The following CHRNG variants were observed in gnomAD, a reference collection of about 807,000 sequenced individuals.
The protein encoded by CHRNG is acetylcholine receptor subunit gamma.
A neutral mutation model predicts 65.2 loss-of-function variants in CHRNG; 72 were observed. That is an observed-to-expected ratio of 1.10 (90% CI 0.91 to 1.34). CHRNG has a LOEUF of 1.34. CHRNG is among the 40% of genes most tolerant of loss of function. The probability of loss-of-function intolerance (pLI) is 0.00; values close to 1 mark genes in which losing one functional copy is unlikely to be tolerated. For synonymous variants in CHRNG, 284 were observed against 290.2 expected, an observed-to-expected ratio of 0.98 and a Z score of 0.22; for missense variants, 637 against 680.1, an observed-to-expected ratio of 0.94 and a Z score of 0.70.
At position 232,540,070 on chromosome 2, in the gene CHRNG, AACGAG is replaced by A. The variant is rs1485492241; in HGVS notation, c.137_141del (p.Arg46LeufsTer88). The A allele has an allele frequency of 3.1e-6, 5 of 1,614,086 alleles. No homozygotes were observed. The highest frequency in any genetic ancestry group is 4.2e-6 in the Non-Finnish European group (5 of 1,180,022). On this transcript the variant is annotated frameshift_variant, in exon 2 of 12. Transcript: ENST00000651502. LOFTEE classifies it high-confidence loss of function. The surrounding 1 kb of genome is among the most constrained non-coding windows in gnomAD (Gnocchi z 4.2). ...TACGACCCCAACCTGCGGCCCGCGG[AACGAG>A]ACTCGGATGTGGTCAATGTCAGCCT... is the stretch of plus-strand genomic sequence containing the variant.
chr2:232,546,442 G>A lies in CHRNG; in HGVS notation c.*726G>A, dbSNP rs1406169070. 1 of 152,920 alleles carries A rather than the reference G, an allele frequency of 6.5e-6. No individual in the cohort carries two copies. Among genetic ancestry groups the A allele is most frequent in the Non-Finnish European group, 1.5e-5 (1 of 68,894 alleles). The allele number at this position is 152,920 out of a possible 1,614,324, so 9.5% of individuals were successfully genotyped here. On this transcript the variant is annotated 3_prime_UTR_variant, in exon 12 of 12. Transcript: ENST00000651502. ...GGCTCACTGCAGCCTCAACCTCCAG[G>A]GCTCAAGCAATGCTCCTGCCTCAGC... is the stretch of plus-strand genomic sequence containing the variant.
chr2:232,542,534 A>G lies in CHRNG; in HGVS notation c.604+14A>G, dbSNP rs774901684. 1.9e-6 allele frequency: 3 copies of G among 1,585,028 alleles called. No homozygotes were observed. The Admixed American group carries it at 5.0e-5, about 26-fold the overall frequency. ...AGGCCTTCACAGGTAACCCCCACCCAAGGGCTCCCCAGGCAGCCTCATCCA... is the reference window on the plus strand; with the variant it reads ...AGGCCTTCACAGGTAACCCCCACCCGAGGGCTCCCCAGGCAGCCTCATCCA... On this transcript the variant is annotated intron_variant, in intron 6 of 11. Transcript: ENST00000651502.
chr2:232,545,616 T>C lies in CHRNG; in HGVS notation c.1454T>C (p.Ile485Thr), dbSNP rs1322572649. Residue 485 changes from isoleucine to threonine, a missense_variant, in exon 12 of 12, where the codon ATC (isoleucine) becomes ACC (threonine). Ile to Thr is a moderately conservative substitution (Grantham distance 89). Transcript: ENST00000651502. ...TTCCTGGCCATGCTCTCGCTCTTCA[T>C]CTGTGGCACAGCTGGCATCTTCCTC... ...VCFLAMLSLF[I>T]CGTAGIFLMA... 1.9e-6 allele frequency: 3 copies of C among 1,613,960 alleles called. No homozygotes were observed. The Admixed American group carries it at 5.0e-5, about 27-fold the overall frequency.
chr2:232,543,746 T>G, intron 9 of CHRNG, 47 bp downstream of exon 9: 1 of 1,148,678 alleles, frequency 8.7e-7, no homozygotes, highest in Non-Finnish European at 1.3e-6. Context: ...CCCACTCCCC[T>G]ACGCCTCCCT....
rs560846230 is a variant in CHRNG, at chr2:232,545,997, C to T, written c.*281C>T. ...CCACCCCTCCACTCAGTGCACTCCC[C>T]TCACTTAGGCAAAGCATTATTCATT... On this transcript the variant is annotated 3_prime_UTR_variant, in exon 12 of 12. Coordinates refer to ENST00000651502, the MANE Select transcript of CHRNG (RefSeq NM_005199.5). 1 of 554,142 alleles carries T rather than the reference C, an allele frequency of 1.8e-6. No individual in the cohort carries two copies. Among genetic ancestry groups the T allele is most frequent in the East Asian group, 3.2e-5 (1 of 31,118 alleles). 34.3% of individuals were successfully genotyped at this position (554,142 alleles called of 1,614,324 possible).
chr2:232,542,598 A>AC, intron 6 of CHRNG, 78 bp downstream of exon 6: 1 of 982,148 alleles, frequency 1.0e-6, no homozygotes, highest in Non-Finnish European at 1.6e-6. Context: ...AGGCTGGACC[A>AC]AGGTCAAATC....
In CHRNG at chr2:232,540,042, AACT is replaced by A; in HGVS notation, c.109_111del (p.Tyr37del). The A allele has an allele frequency of 6.2e-7, 1 of 1,614,168 alleles. No individual in the cohort carries two copies. The highest frequency in any genetic ancestry group is 8.5e-7 in the Non-Finnish European group (1 of 1,180,008). Reference sequence around the variant, plus strand: ...GCGCCTGCTCGCAGACCTGATGCAAAACTACGACCCCAACCTGCGGCCCGCGGA... The same window carrying A: ...GCGCCTGCTCGCAGACCTGATGCAAAACGACCCCAACCTGCGGCCCGCGGA... On this transcript the variant is annotated inframe_deletion, in exon 2 of 12. Transcript: ENST00000651502. The surrounding 1 kb of genome is among the most constrained non-coding windows in gnomAD (Gnocchi z 4.2).
Position 232,539,752 on chromosome 2 carries a change from A to T in CHRNG, c.5A>T (p.His2Leu), listed in dbSNP as rs775592546. 14 of 1,613,790 alleles carry T rather than the reference A, an allele frequency of 8.7e-6. No homozygotes were observed. Among genetic ancestry groups the T allele is most frequent in the Admixed American group, 1.7e-5 (1 of 60,004 alleles). The change falls in exon 1 of 12, where the codon CAT becomes CTT. Residue 2 changes from histidine (H) to leucine (L), a missense_variant. Transcript: ENST00000651502. M[H>L]GGQGPLLLLL... ...ACTGCAGAGAGCTGAGGCACCATGCATGGGGGCCAGGGGCCGCTGCTCCTC... is the reference window on the plus strand; with the variant it reads ...ACTGCAGAGAGCTGAGGCACCATGCTTGGGGGCCAGGGGCCGCTGCTCCTC...
chr2:232,540,737 G>A lies in CHRNG; in HGVS notation c.350+26G>A. 1.3e-6 allele frequency: 2 copies of A among 1,589,226 alleles called. No individual in the cohort carries two copies. Among genetic ancestry groups the A allele is most frequent in the South Asian group, 1.1e-5 (1 of 89,806 alleles). On this transcript the variant is annotated intron_variant, in intron 4 of 11. Coordinates refer to ENST00000651502, the MANE Select transcript of CHRNG (RefSeq NM_005199.5). This position sits in a 1 kb window ranked among gnomAD's most constrained non-coding sequence, Gnocchi z 4.2. ...GTGAGGAGGGGGTGCAGGCAGGGGT[G>A]TGGGGGACAAAGGACACAGGGTCTG...
Position 232,543,029 on chromosome 2 carries a change from C to G in CHRNG, c.752C>G (p.Pro251Arg). 6.2e-7 allele frequency: 1 copy of G among 1,614,254 alleles called. No individual in the cohort carries two copies. The highest frequency in any genetic ancestry group is 1.1e-5 in the South Asian group (1 of 91,086). Residue 251 changes from proline (P) to arginine (R), a missense_variant, in exon 7 of 12, where the codon CCC (proline) becomes CGC (arginine). Coordinates refer to ENST00000651502, the MANE Select transcript of CHRNG (RefSeq NM_005199.5). ...PLFYVINIIA[P>R]CVLISSVAIL... ...TTCTACGTCATCAACATCATCGCCCCCTGTGTGCTCATCTCCTCTGTCGCC... is the reference window on the plus strand; with the variant it reads ...TTCTACGTCATCAACATCATCGCCCGCTGTGTGCTCATCTCCTCTGTCGCC...
At position 232,544,837 on chromosome 2, in the gene CHRNG, C is replaced by T; in HGVS notation, c.1315C>T (p.Gln439Ter). The T allele has an allele frequency of 6.2e-7, 1 of 1,613,944 alleles. No individual in the cohort carries two copies. Among genetic ancestry groups the T allele is most frequent in the Non-Finnish European group, 8.5e-7 (1 of 1,179,996 alleles). Residue 439 changes from glutamine (Q) to a stop codon, truncating the protein, a stop_gained, in exon 11 of 12, where the codon CAG becomes TAG. Coordinates refer to ENST00000651502, the MANE Select transcript of CHRNG (RefSeq NM_005199.5). LOFTEE classifies it high-confidence loss of function. ...GSLKQAAPAI[Q>*]ACVEACNLIA... ...CCTGAAGCAGGCTGCCCCAGCCATC[C>T]AGGCCTGTGTGGAAGCCTGCAACCT...
rs370116501 is a variant in CHRNG, at chr2:232,542,909, G to C, written c.632G>C (p.Arg211Pro). ...AATGGGGAGTGGGCCATCCAGCACC[G>C]ACCAGCCAAGATGCTCCTGGACCCA... ...TENGEWAIQH[R>P]PAKMLLDPAA... is the part of the protein sequence containing the mutation. Residue 211 changes from arginine to proline, a missense_variant, in exon 7 of 12, where the codon CGA becomes CCA. Arg to Pro is a moderately radical substitution (Grantham distance 103, BLOSUM62 -2). Coordinates refer to ENST00000651502, the MANE Select transcript of CHRNG (RefSeq NM_005199.5). 12 of 1,613,850 alleles carry C rather than the reference G, an allele frequency of 7.4e-6. No individual in the cohort carries two copies. In the African/African-American group the frequency reaches 1.6e-4, roughly 22 times the overall value.
rs1235075124 is a variant in CHRNG, at chr2:232,542,314, G to A, written c.507-109G>A. On this transcript the variant is annotated intron_variant, in intron 5 of 11. Coordinates refer to ENST00000651502, the MANE Select transcript of CHRNG (RefSeq NM_005199.5). The stretch of plus-strand genomic sequence containing the variant: ...ATAGAGAACTCAGAAGCGTGGGGCT[G>A]CATTTTGTTGAAGAAAAGCTGCCCA... The A allele has an allele frequency of 5.9e-5, 44 of 743,082 alleles. No homozygotes were observed. In the East Asian group the frequency reaches 1.1e-3, roughly 19 times the overall value. The allele number at this position is 743,082 out of a possible 1,614,324, so 46.0% of individuals were successfully genotyped here.
In CHRNG at chr2:232,543,268, T is replaced by C. The variant is rs773463683; in HGVS notation, c.806-7T>C. 7 of 1,612,760 alleles carry C rather than the reference T, an allele frequency of 4.3e-6. No individual in the cohort carries two copies. The highest frequency in any genetic ancestry group is 1.6e-4 in the Middle Eastern group (1 of 6,062). ...ACCTGCTCTGAGAGCCTCTCGGTCA[T>C]GGATAGCTGGGGGCCAGAAGTGTAC... On this transcript the variant is annotated splice_region_variant and splice_polypyrimidine_tract_variant and intron_variant, in intron 7 of 11. Coordinates refer to ENST00000651502, the MANE Select transcript of CHRNG (RefSeq NM_005199.5).
Position 232,543,343 on chromosome 2 carries a change from G to A in CHRNG, c.874G>A (p.Ala292Thr). Residue 292 changes from alanine to threonine, a missense_variant, in exon 8 of 12, where the codon GCC (alanine) becomes ACC (threonine). Coordinates refer to ENST00000651502, the MANE Select transcript of CHRNG (RefSeq NM_005199.5). ...LAQTVFLFLV[A>T]KKVPETSQAV... is the part of the protein sequence containing the mutation. Reference sequence around the variant, plus strand: ...CCAGACTGTCTTCCTCTTCCTTGTGGCCAAGAAGGTGCCTGAAACCTCCCA... The same window carrying A: ...CCAGACTGTCTTCCTCTTCCTTGTGACCAAGAAGGTGCCTGAAACCTCCCA... The A allele has an allele frequency of 6.2e-7, 1 of 1,614,134 alleles. No homozygotes were observed. Among genetic ancestry groups the A allele is most frequent in the Non-Finnish European group, 8.5e-7 (1 of 1,180,010 alleles).
At position 232,542,511 on chromosome 2, in the gene CHRNG, G is replaced by T; in HGVS notation, c.595G>T (p.Ala199Ser). The T allele has an allele frequency of 6.2e-7, 1 of 1,611,210 alleles. No homozygotes were observed. The highest frequency in any genetic ancestry group is 1.1e-5 in the South Asian group (1 of 90,934). ...TIEWIFIDPE[A>S]FTENGEWAIQ... ...CGAGTGGATTTTCATTGACCCTGAG[G>T]CCTTCACAGGTAACCCCCACCCAAG... Residue 199 changes from alanine (A) to serine (S), a missense_variant, in exon 6 of 12, where the codon GCC becomes TCC. By Grantham distance (99) the Ala-to-Ser change is moderately conservative. Transcript: ENST00000651502.
rs201762781 is a variant in CHRNG at position 232,541,443 on chromosome 2, G to A, written c.420G>A (p.Trp140Ter). Residue 140 changes from tryptophan to a stop codon, truncating the protein, a stop_gained, in exon 5 of 12, where the codon TGG (tryptophan) becomes TGA (stop). Coordinates refer to ENST00000651502, the MANE Select transcript of CHRNG (RefSeq NM_005199.5). LOFTEE classifies it high-confidence loss of function. This position sits in a 1 kb window ranked among gnomAD's most constrained non-coding sequence, Gnocchi z 4.0. ...VLVSPDGCIY[W>*]LPPAIFRSAC... ...TGTCCCCTGACGGCTGTATCTACTG[G>A]CTGCCGCCTGCCATCTTCCGTTCCG... The A allele has an allele frequency of 1.9e-5, 31 of 1,613,994 alleles. No homozygotes were observed. The highest frequency in any genetic ancestry group is 6.8e-6 in the Non-Finnish European group (8 of 1,179,998).
In CHRNG at chr2:232,541,449, G is replaced by A. The variant is rs375894671; in HGVS notation, c.426G>A (p.Pro142=). ...CTGACGGCTGTATCTACTGGCTGCC[G>A]CCTGCCATCTTCCGTTCCGCCTGCT... is the stretch of plus-strand genomic sequence containing the variant. ...VSPDGCIYWL[P]PAIFRSACSI... The change falls in exon 5 of 12, where the codon CCG becomes CCA. Residue 142 remains proline (P), a synonymous_variant. Transcript: ENST00000651502. The surrounding 1 kb of genome is among the most constrained non-coding windows in gnomAD (Gnocchi z 4.0). 2.8e-4 allele frequency: 448 copies of A among 1,614,104 alleles called. No homozygotes were observed. The highest frequency in any genetic ancestry group is 3.4e-4 in the Non-Finnish European group (400 of 1,179,990).
rs747181326 is a variant in CHRNG, at chr2:232,543,354, G to A, written c.885G>A (p.Val295=). 2 of 1,614,088 alleles carry A rather than the reference G, an allele frequency of 1.2e-6. No homozygotes were observed. Among genetic ancestry groups the A allele is most frequent in the East Asian group, 2.2e-5 (1 of 44,876 alleles). ...TVFLFLVAKK[V]PETSQAVPLI... The stretch of plus-strand genomic sequence containing the variant: ...TCCTCTTCCTTGTGGCCAAGAAGGT[G>A]CCTGAAACCTCCCAGGCGGTGCCAC... Residue 295 remains valine (V), a synonymous_variant, in exon 8 of 12, where the codon GTG becomes GTA. Coordinates refer to ENST00000651502, the MANE Select transcript of CHRNG (RefSeq NM_005199.5).
Sources: gnomAD v4.1 joint callset for allele counts on GRCh38, gnomAD v4.1.1 for gene constraint, Gnocchi (gnomAD v3.1) non-coding constraint, MANE v1.5 for transcripts, NCBI Gene and HGNC (gene_info 2026-07-23, HGNC 2026-07-21) for gene names.